COIL: variants seen among roughly 807,000 people sequenced by gnomAD.
The protein encoded by COIL is coilin, also known as coilin p80.
Under a neutral mutation model 51.6 loss-of-function variants are expected in COIL, and 28 were observed. The ratio of observed to expected loss-of-function variants is 0.54; its 90% CI spans 0.40 to 0.74. The LOEUF (loss-of-function observed/expected upper bound fraction) is 0.74, where lower values mean the gene tolerates loss of function less well. COIL is among the 30% of genes least tolerant of loss of function. COIL has a pLI of 0.00. For missense variants in COIL, 667 were observed against 685.9 expected (o/e 0.97, Z 0.31); for synonymous variants, 233 against 255.8 (o/e 0.91, Z 0.85).
chr17:56,949,313 C>A, intron 4 of COIL, 74 bp downstream of exon 4: 1 of 1,159,154 alleles, frequency 8.6e-7, no homozygotes, highest in South Asian at 1.5e-5. Flanking sequence ...CTGTATTATC[C>A]ATACAAGTAG....
chr17:56,940,907 T>A (rs374542920), intron 6 of COIL: 1 of 151,656 alleles, frequency 6.6e-6, no homozygotes, highest in Non-Finnish European at 1.5e-5. Flanking sequence ...GGCCGAGGCG[T>A]GCAGATCACG....
rs780975452 is a variant in COIL, at chr17:56,961,007, C to G, written c.13G>C (p.Glu5Gln). The G allele has an allele frequency of 1.2e-6, 2 of 1,613,684 alleles. No individual in the cohort carries two copies. Among genetic ancestry groups the G allele is most frequent in the African/African-American group, 1.3e-5 (1 of 74,912 alleles). Residue 5 changes from glutamate to glutamine, a missense_variant, in exon 1 of 7, where the codon GAG becomes CAG. Coordinates refer to ENST00000240316, the MANE Select transcript of COIL (RefSeq NM_004645.3). MAAS[E>Q]TVRLRLQFDY... ...AATTGAAGCCGTAGCCTAACCGTCT[C>G]GGAAGCTGCCATCTTGCTTGGTGCT...
rs111318270 is a variant in COIL at position 56,959,239 on chromosome 17, G to A, written c.245+1536C>T. Among the ~76,000 whole-genome samples, 1,242 of 152,236 alleles carry A rather than the reference G, an allele frequency of 8.2e-3. 16 individuals carry two copies. The highest frequency in any genetic ancestry group is 0.028 in the African/African-American group (1,158 of 41,542). Reference sequence around the variant, plus strand: ...CTGGCCTGAAGTCCCAACTACTCGGGAGGCTGAGGTGGGAGGATTGCCTGT... The same window carrying A: ...CTGGCCTGAAGTCCCAACTACTCGGAAGGCTGAGGTGGGAGGATTGCCTGT... On this transcript the variant is annotated intron_variant, in intron 1 of 6. Transcript: ENST00000240316.
In COIL at chr17:56,950,476, A is replaced by C. The variant is rs142873143; in HGVS notation, c.766T>G (p.Ser256Ala). Residue 256 changes from serine (S) to alanine (A), a missense_variant, in exon 2 of 7, where the codon TCT becomes GCT. Physicochemically the swap from Ser to Ala is moderately conservative, Grantham distance 99. Coordinates refer to ENST00000240316, the MANE Select transcript of COIL (RefSeq NM_004645.3). ...ACTTTGCTGGGACCATCACTGATAG[A>C]TTCATCACAAGATTCAGACTCCGAG... ...SSSESESCDE[S>A]ISDGPSKVTL... 68 of 1,614,092 alleles carry C rather than the reference A, an allele frequency of 4.2e-5. No individual in the cohort carries two copies. The African/African-American group carries it at 8.5e-4, about 20-fold the overall frequency.
rs138172727 is a variant in COIL, at chr17:56,949,384, T to C, written c.1488+3A>G. 8.2e-6 allele frequency: 13 copies of C among 1,587,520 alleles called. No individual in the cohort carries two copies. In the African/African-American group the frequency reaches 1.5e-4, roughly 18 times the overall value. On this transcript the variant is annotated splice_donor_region_variant and intron_variant, in intron 4 of 6. Coordinates refer to ENST00000240316, the MANE Select transcript of COIL (RefSeq NM_004645.3). ...CAACTTACTTTTAAATAAACATCCTTACCTTGTAGTCAGAGACATCAGGAG... is the reference window on the plus strand; with the variant it reads ...CAACTTACTTTTAAATAAACATCCTCACCTTGTAGTCAGAGACATCAGGAG...
chr17:56,960,556 T>C (rs999226641), intron 1 of COIL: 6 of 299,340 alleles, frequency 2.0e-5, no homozygotes, highest in Middle Eastern at 9.7e-4. Flanking sequence ...AAAATAATAA[T>C]AAAATGCAGA....
rs1598095362 is a variant in COIL, at chr17:56,949,612, AT to A, written c.1440+68del. 2.2e-5 allele frequency: 32 copies of A among 1,481,256 alleles called. No homozygotes were observed. In the East Asian group the frequency reaches 7.3e-4, roughly 34 times the overall value. 91.8% of individuals were successfully genotyped at this position (1,481,256 alleles called of 1,614,324 possible). On this transcript the variant is annotated intron_variant, in intron 3 of 6. Coordinates refer to ENST00000240316, the MANE Select transcript of COIL (RefSeq NM_004645.3). ...GGCTTTTACAAACACATTTAACCTGATTTTCTAAGTAAGTTTATTTGGAAGG... is the reference window on the plus strand; with the variant it reads ...GGCTTTTACAAACACATTTAACCTGATTTCTAAGTAAGTTTATTTGGAAGG...
At chr17:56,946,126 C>T (rs980915042) in intron 5 of COIL, among the ~76,000 whole-genome samples, 22 of 152,234 alleles carry the variant, frequency 1.4e-4, no homozygotes, top group African/African-American at 4.8e-4. Context: ...CTGACCCACT[C>T]ATCCATAATT....
At chr17:56,959,927 A>G (rs531426820) in intron 1 of COIL, among the ~76,000 whole-genome samples, 2 of 152,386 alleles carry the variant, frequency 1.3e-5, no homozygotes, top group East Asian at 3.9e-4. Context: ...GTTACACTGC[A>G]GATTCCAGCC....
At chr17:56,952,093 G>A in intron 1 of COIL, 1 of 373,294 alleles carries the variant, frequency 2.7e-6, no homozygotes, top group Non-Finnish European at 5.1e-6. Flanking sequence ...ACAGGCATGA[G>A]CCATCGCACC....
Position 56,939,017 on chromosome 17 carries a change from A to T in COIL, c.*54T>A. The T allele has an allele frequency of 2.0e-6, 2 of 1,022,714 alleles. No individual in the cohort carries two copies. Among genetic ancestry groups the T allele is most frequent in the Non-Finnish European group, 3.0e-6 (2 of 675,328 alleles). The allele number at this position is 1,022,714 out of a possible 1,614,324, so 63.4% of individuals were successfully genotyped here. ...TTAAAAAAAAAAAAAAGTTTGGGTT[A>T]TAGTCACTTTCACAAACAAGACATT... On this transcript the variant is annotated 3_prime_UTR_variant, in exon 7 of 7. Transcript: ENST00000240316.
chr17:56,954,275 A>G (rs529157968), intron 1 of COIL, among the ~76,000 whole-genome samples: 17 of 152,180 alleles, frequency 1.1e-4, no homozygotes, highest in African/African-American at 3.6e-4. Context: ...AAGACCATGC[A>G]TTGGCCGGGC....
intron 1 of COIL, 84 bp downstream of exon 1, chr17:56,960,691 G>C: frequency 1.1e-6 from 1 of 908,690 alleles, no homozygotes; most frequent in Non-Finnish European, 1.5e-6. Context: ...CCACTACCAG[G>C]TCTAGCGGCT....
In COIL at chr17:56,938,286, A is replaced by G. The variant is rs953738013; in HGVS notation, c.*785T>C. 13 of 152,226 alleles carry G rather than the reference A, an allele frequency of 8.5e-5. No individual in the cohort carries two copies. Among genetic ancestry groups the G allele is most frequent in the African/African-American group, 3.1e-4 (13 of 41,454 alleles). 9.4% of individuals were successfully genotyped at this position (152,226 alleles called of 1,614,324 possible). Reference sequence around the variant, plus strand: ...TAAATGAAACCAATTTTCACGGTATATATTTGGCCATTTTAGCTTCGTAGT... The same window carrying G: ...TAAATGAAACCAATTTTCACGGTATGTATTTGGCCATTTTAGCTTCGTAGT... On this transcript the variant is annotated 3_prime_UTR_variant, in exon 7 of 7. Transcript: ENST00000240316.
At chr17:56,954,494 G>C (rs1037663176) in intron 1 of COIL, among the ~76,000 whole-genome samples, 12 of 152,070 alleles carry the variant, frequency 7.9e-5, no homozygotes, top group Admixed American at 7.2e-4. Context: ...CCAGGAGGCA[G>C]AGGGTGCAGT....
chr17:56,943,017 T>G (rs772581811), intron 5 of COIL, among the ~76,000 whole-genome samples: 46 of 152,224 alleles, frequency 3.0e-4, no homozygotes, highest in Non-Finnish European at 5.9e-4. Context: ...ATGAGTACAC[T>G]GTAATTACAT....
At chr17:56,954,138 T>C (rs1187995229) in intron 1 of COIL, among the ~76,000 whole-genome samples, 54 of 152,202 alleles carry the variant, frequency 3.5e-4, no homozygotes, top group Non-Finnish European at 1.5e-5. Context: ...TCAGTCACTG[T>C]GGTTTATTAA....
chr17:56,946,351 C>A, intron 5 of COIL, 91 bp downstream of exon 5: 1 of 849,492 alleles, frequency 1.2e-6, no homozygotes. Context: ...ATATGGAGGC[C>A]AAGGAAGAGA....
rs1385770184 is a variant in COIL, at chr17:56,950,401, T to G, written c.841A>C (p.Lys281Gln). The G allele has an allele frequency of 1.2e-6, 2 of 1,614,080 alleles. No individual in the cohort carries two copies. The highest frequency in any genetic ancestry group is 1.7e-5 in the Admixed American group (1 of 59,998). The change falls in exon 2 of 7, where the codon AAG becomes CAG. Residue 281 changes from lysine (K) to glutamine (Q), a missense_variant. Physicochemically the swap from Lys to Gln is moderately conservative, Grantham distance 53. Transcript: ENST00000240316. ...GTATTTTTGGTAGAGGGTTCTTCCT[T>G]TGATAACTCAGTTGGTAATTTCTCT... ...SSEKLPTELS[K>Q]EEPSTKNTTA... is the part of the protein sequence containing the mutation.
Sources: gnomAD v4.1 joint callset for allele counts (sites outside exome capture counted in the v4.1 genomes callset) on GRCh38, gnomAD v4.1.1 for gene constraint, MANE v1.5 for transcripts, NCBI Gene and HGNC (gene_info 2026-07-23, HGNC 2026-07-21) for gene names.